Variants in SHISA9 observed in about 807,000 individuals in gnomAD.
SHISA9 encodes the protein shisa family member 9.
Under a neutral mutation model 38.0 loss-of-function variants are expected in SHISA9, and 13 were observed. The ratio of observed to expected loss-of-function variants is 0.34; its 90% confidence interval spans 0.22 to 0.54. The LOEUF (loss-of-function observed/expected upper bound fraction) is 0.54. Among genes scored for constraint, SHISA9 ranks in the 20% least tolerant of loss-of-function variants. The pLI is 0.91. For missense variants in SHISA9, 538 were observed against 575.8 expected, an observed-to-expected ratio of 0.93 and a Z score of 0.67; for synonymous variants, 275 against 242.0, an observed-to-expected ratio of 1.14 and a Z score of -1.27.
chr16:12,981,412 CA>C, intron 2 of SHISA9, among the ~76,000 whole-genome samples: 2 of 152,368 alleles, frequency 1.3e-5, no homozygotes, highest in East Asian at 3.9e-4. Context: ...TCTAATCCCC[CA>C]TTCCAGTTTA....
the SHISA9 span, among the ~76,000 whole-genome samples, chr16:13,352,435 T>G: frequency 3.9e-5 from 6 of 152,252 alleles, no homozygotes; most frequent in South Asian, 1.0e-3. Flanking sequence ...CAACAATAAA[T>G]GCATTAATGC....
chr16:13,213,405 T>C lies in SHISA9; in HGVS notation c.895+105T>C, dbSNP rs904817306. On this transcript the variant is annotated intron_variant, in intron 4 of 4. Transcript: ENST00000558583. ...GGTGTCTGTGTGACCTGTGCACATG[T>C]GTGTCTGCATAGGGTGGCATCTGCA... 3 of 1,046,254 alleles carry C rather than the reference T, an allele frequency of 2.9e-6. No homozygotes were observed. In the African/African-American group the frequency reaches 4.8e-5, roughly 17 times the overall value. 64.8% of individuals were successfully genotyped at this position (1,046,254 alleles called of 1,614,324 possible).
chr16:13,114,465 C>CA (rs58742818), intron 2 of SHISA9, among the ~76,000 whole-genome samples: 3,126 of 49,204 alleles, frequency 0.064, 249 homozygotes, highest in African/African-American at 0.17. Flanking sequence ...GATTCCATCT[C>CA]AAAAAAAAAA....
the SHISA9 span, among the ~76,000 whole-genome samples, chr16:13,488,548 G>A: frequency 6.6e-6 from 1 of 152,052 alleles, no homozygotes; most frequent in Non-Finnish European, 1.5e-5. Context: ...GATATGTCTA[G>A]ATACACAAAT....
At chr16:13,029,060 AT>A (rs988128728) in intron 2 of SHISA9, among the ~76,000 whole-genome samples, 7 of 152,034 alleles carry the variant, frequency 4.6e-5, no homozygotes, top group African/African-American at 9.7e-5. Flanking sequence ...TCCTTTTAAA[AT>A]TTTTTTTATT....
the SHISA9 span, among the ~76,000 whole-genome samples, chr16:13,452,424 C>G: frequency 6.6e-6 from 1 of 152,164 alleles, no homozygotes; most frequent in Non-Finnish European, 1.5e-5. Flanking sequence ...ACCTTATTGT[C>G]TGACAACTCT....
Position 13,141,599 on chromosome 16 carries a change from G to A in SHISA9, c.692-61795G>A, listed in dbSNP as rs1898687. 7.6e-3 allele frequency among the ~76,000 whole-genome samples: 1,156 copies of A among 152,010 alleles called. 20 individuals carry two copies. Among genetic ancestry groups the A allele is most frequent in the African/African-American group, 0.026 (1,094 of 41,464 alleles). On this transcript the variant is annotated intron_variant, in intron 2 of 4. Coordinates refer to ENST00000558583, the MANE Select transcript of SHISA9 (RefSeq NM_001145204.3). The stretch of plus-strand genomic sequence containing the variant: ...CTGGAGAGGCTGAGTCACGAGAATC[G>A]CTGAACCCAAGAGGTGGAGGTTGCA...
the SHISA9 span, among the ~76,000 whole-genome samples, chr16:13,540,801 T>C: frequency 6.6e-6 from 1 of 152,208 alleles, no homozygotes; most frequent in Admixed American, 6.5e-5. Context: ...CATTAATATT[T>C]ATTATTATTA....
At chr16:13,075,148 G>C (rs1317484508) in intron 2 of SHISA9, among the ~76,000 whole-genome samples, 1 of 152,156 alleles carries the variant, frequency 6.6e-6, no homozygotes, top group South Asian at 2.1e-4. Context: ...AGAGTCCACA[G>C]GCATGAGGCT....
chr16:13,536,240 G>C, the SHISA9 span, among the ~76,000 whole-genome samples: 2 of 152,048 alleles, frequency 1.3e-5, no homozygotes, highest in Admixed American at 6.6e-5. Context: ...CTCGTGATCC[G>C]TCCGTGTCGG....
the SHISA9 span, among the ~76,000 whole-genome samples, chr16:13,329,921 CAATA>C: frequency 3.0e-4 from 45 of 152,300 alleles, no homozygotes; most frequent in African/African-American, 1.0e-3. Flanking sequence ...CTCAGATATC[CAATA>C]AATCGTCCCC....
At chr16:13,395,125 A>T in the SHISA9 span, among the ~76,000 whole-genome samples, 1 of 152,148 alleles carries the variant, frequency 6.6e-6, no homozygotes, top group Admixed American at 6.6e-5. Context: ...AGAGGTTGGC[A>T]GGTTTCATGA....
At chr16:13,304,694 C>T in the SHISA9 span, among the ~76,000 whole-genome samples, 4 of 152,154 alleles carry the variant, frequency 2.6e-5, no homozygotes, top group Non-Finnish European at 2.9e-5. Context: ...CCGCAACAAT[C>T]TTATGAGGTG....
At chr16:13,019,966 T>TC (rs1358016257) in intron 2 of SHISA9, among the ~76,000 whole-genome samples, 1,681 of 97,772 alleles carry the variant, frequency 0.017, 141 homozygotes, top group Non-Finnish European at 0.022. Context: ...TTTCCCTCCT[T>TC]CTTTCCTTCC....
chr16:13,023,821 T>A (rs1001449203), intron 2 of SHISA9, among the ~76,000 whole-genome samples: 3 of 152,192 alleles, frequency 2.0e-5, no homozygotes, highest in Non-Finnish European at 2.9e-5. Flanking sequence ...ATGAAAGACC[T>A]CTTTTTCTAA....
chr16:13,023,266 G>A (rs1364005297), intron 2 of SHISA9, among the ~76,000 whole-genome samples: 2 of 152,116 alleles, frequency 1.3e-5, no homozygotes, highest in Non-Finnish European at 2.9e-5. Flanking sequence ...GAGAACATGC[G>A]GTGTTTGGTT....
chr16:13,503,377 A>G, the SHISA9 span, among the ~76,000 whole-genome samples: 2 of 152,214 alleles, frequency 1.3e-5, no homozygotes, highest in African/African-American at 2.4e-5. Context: ...GCTTAAAACA[A>G]TAATAATTTA....
chr16:13,440,817 G>T, the SHISA9 span, among the ~76,000 whole-genome samples: 1 of 152,060 alleles, frequency 6.6e-6, no homozygotes, highest in East Asian at 1.9e-4. Context: ...AGCTACTCAG[G>T]AGGCTGAGGC....
At chr16:13,080,013 G>A (rs974977924) in intron 2 of SHISA9, among the ~76,000 whole-genome samples, 6 of 152,194 alleles carry the variant, frequency 3.9e-5, no homozygotes, top group South Asian at 2.1e-4. Context: ...AGGGAAGGCC[G>A]GGGGATCCAG....
Sources: allele counts gnomAD v4.1 joint callset (sites outside exome capture counted in the v4.1 genomes callset), GRCh38; gene constraint gnomAD v4.1.1; transcripts MANE v1.5; gene names NCBI Gene and HGNC (gene_info 2026-07-23, HGNC 2026-07-21).